TRPM5: variants seen among roughly 807,000 people sequenced by gnomAD.
The protein encoded by TRPM5 is transient receptor potential cation channel subfamily M member 5, also known as MLSN1 and TRP-related.
A neutral mutation model predicts 124.9 loss-of-function variants in TRPM5; 121 were observed. The ratio of observed to expected loss-of-function variants is 0.97; its 90% CI spans 0.84 to 1.13. TRPM5 has a LOEUF of 1.13. Among genes scored for constraint, TRPM5 ranks in the 50% most tolerant of loss-of-function variants. The pLI, the probability that TRPM5 is intolerant of heterozygous loss-of-function variation, is 0.00. For synonymous variants in TRPM5, 781 were observed against 700.5 expected, an observed-to-expected ratio of 1.11 and a Z score of -1.81; for missense variants, 1,643 against 1,589.1, an observed-to-expected ratio of 1.03 and a Z score of -0.58.
Position 2,418,371 on chromosome 11 carries a change from G to A in TRPM5, c.715-13C>T. ...CCCTGGAGATCCTCTGAGACGGGGAGGGAGGGGAGAGCGGACCCCAGATTA... is the reference window on the plus strand; with the variant it reads ...CCCTGGAGATCCTCTGAGACGGGGAAGGAGGGGAGAGCGGACCCCAGATTA... On this transcript the variant is annotated splice_polypyrimidine_tract_variant and intron_variant, in intron 5 of 23. Transcript: ENST00000155858. 6.5e-7 allele frequency: 1 copy of A among 1,543,278 alleles called. No individual in the cohort carries two copies. Among genetic ancestry groups the A allele is most frequent in the South Asian group, 1.2e-5 (1 of 84,354 alleles).
chr11:2,410,852 C>T (rs915236372), intron 18 of TRPM5, among the ~76,000 whole-genome samples: 8 of 152,070 alleles, frequency 5.3e-5, no homozygotes, highest in African/African-American at 1.7e-4. Flanking sequence ...GCCAGCAGGA[C>T]GGCGTAGGGG....
chr11:2,442,058 G>A, the TRPM5 span, among the ~76,000 whole-genome samples: 1 of 152,118 alleles, frequency 6.6e-6, no homozygotes, highest in Non-Finnish European at 1.5e-5. This position sits in a 1 kb window ranked among gnomAD's most constrained non-coding sequence, Gnocchi z 5.9. Flanking sequence ...TCAGAATAAT[G>A]AGCAAAGCAA....
chr11:2,421,126 G>A (rs752096969), exon 3 of TRPM5: 10 of 1,543,350 alleles, frequency 6.5e-6, no homozygotes, highest in Admixed American at 2.0e-5. Flanking sequence ...GCTGGCCAGC[G>A]AGTGGTCGCG....
the TRPM5 span, among the ~76,000 whole-genome samples, chr11:2,440,168 G>A: frequency 2.0e-5 from 3 of 152,170 alleles, no homozygotes; most frequent in Non-Finnish European, 4.4e-5. The surrounding 1 kb of genome is among the most constrained non-coding windows in gnomAD (Gnocchi z 5.2). Flanking sequence ...GACAACAATA[G>A]ACACTGGGGA....
chr11:2,415,517 C>T lies in TRPM5; in HGVS notation c.1129-46G>A, dbSNP rs573491967. ...GAGGGAAGGGGGACAAGAGAGTGAG[C>T]GAGAGACAGGAGGAGGGGGTCCAAG... On this transcript the variant is annotated intron_variant, in intron 8 of 23. Transcript: ENST00000155858. 2.7e-5 allele frequency: 36 copies of T among 1,327,252 alleles called. 1 individual carries two copies. The Admixed American group carries it at 3.2e-4, about 12-fold the overall frequency. 82.2% of individuals were successfully genotyped at this position (1,327,252 alleles called of 1,614,324 possible).
At position 2,418,457 on chromosome 11, in the gene TRPM5, G is replaced by A. The variant is rs979863689; in HGVS notation, c.714+70C>T. On this transcript the variant is annotated intron_variant, in intron 5 of 23. Coordinates refer to ENST00000155858, the Ensembl canonical transcript of TRPM5. ...CCCCATCCCTTCAGCCCTGTCCCAG[G>A]GGTGCCCAGAACCCACCGCACCCCT... 3.2e-6 allele frequency: 5 copies of A among 1,557,778 alleles called. No homozygotes were observed. In the African/African-American group the frequency reaches 6.8e-5, roughly 21 times the overall value.
chr11:2,433,564 G>C, the TRPM5 span, among the ~76,000 whole-genome samples: 1 of 152,334 alleles, frequency 6.6e-6, no homozygotes, highest in East Asian at 1.9e-4. Context: ...AGTGGTCAAG[G>C]CTGCAGTAGG....
exon 1 of TRPM5, chr11:2,422,994 C>T: frequency 6.2e-7 from 1 of 1,613,000 alleles, no homozygotes; most frequent in South Asian, 1.1e-5. Flanking sequence ...CGGTCTTCAG[C>T]ATCCCCGGGG....
intron 4 of TRPM5, 43 bp from the exon 10 acceptor site, chr11:2,418,634 G>T (rs773206556): frequency 1.3e-6 from 2 of 1,578,386 alleles, no homozygotes; most frequent in Non-Finnish European, 1.7e-6. Flanking sequence ...CCTCCGCCTG[G>T]GGTGACCACC....
At chr11:2,414,014 C>CCCCCCCCCCCCCCCCCACCA in intron 12 of TRPM5, 47 bp downstream of exon 17, 1 of 533,206 alleles carries the variant, frequency 1.9e-6, no homozygotes, top group South Asian at 1.6e-5. Context: ...AGCTCGCCCG[C>CCCCCCCCCCCCCCCCCACCA]CCACCCCACC....
chr11:2,417,545 G>A (rs1433485004), intron 7 of TRPM5, among the ~76,000 whole-genome samples, 182 bp downstream of exon 12: 2 of 152,222 alleles, frequency 1.3e-5, no homozygotes, highest in Non-Finnish European at 2.9e-5. Context: ...TTTAAGTTGT[G>A]GTAAAAAACA....
chr11:2,436,398 G>A, the TRPM5 span, among the ~76,000 whole-genome samples: 2 of 152,240 alleles, frequency 1.3e-5, no homozygotes, highest in African/African-American at 4.8e-5. Context: ...AAGGATGTAG[G>A]GACAGGCTGC....
intron 21 of TRPM5, 92 bp downstream of exon 26, chr11:2,406,569 G>A (rs917972481): frequency 2.9e-5 from 43 of 1,488,008 alleles, no homozygotes; most frequent in African/African-American, 1.8e-4. Flanking sequence ...GCTTCAGTTC[G>A]CCAGCTCAGA....
In TRPM5 at chr11:2,422,905, G is replaced by A. The variant is rs758024932; in HGVS notation, c.117+15C>T. On this transcript the variant is annotated intron_variant, in intron 1 of 23. Transcript: ENST00000155858. ...TCAAGGCGGACATCACCTGAGGCCT[G>A]GGGCCTGCCCTTACCTTGCCTCGCT... The A allele has an allele frequency of 3.1e-6, 5 of 1,606,866 alleles. No individual in the cohort carries two copies. Among genetic ancestry groups the A allele is most frequent in the East Asian group, 2.2e-5 (1 of 44,860 alleles).
At chr11:2,435,664 CATCT>C in the TRPM5 span, among the ~76,000 whole-genome samples, 1 of 151,718 alleles carries the variant, frequency 6.6e-6, no homozygotes, top group Non-Finnish European at 1.5e-5. The surrounding 1 kb of genome is among the most constrained non-coding windows in gnomAD (Gnocchi z 4.1). Context: ...TCTGTTCATC[CATCT>C]GTCCATGTGC....
At chr11:2,414,823 C>A in exon 11 of TRPM5, 1 of 1,591,290 alleles carries the variant, frequency 6.3e-7, no homozygotes, top group Non-Finnish European at 8.5e-7. Flanking sequence ...AGTGCGGCTG[C>A]CACACCTTCC....
intron 23 of TRPM5, 67 bp downstream of exon 28, chr11:2,405,460 G>GC: frequency 1.4e-6 from 2 of 1,481,072 alleles, no homozygotes; most frequent in Non-Finnish European, 1.8e-6. Context: ...ACAGCCTACG[G>GC]CCCCCCAGCC....
At chr11:2,414,014 C>CCCCCCCCCCCCCCCCCCA in intron 12 of TRPM5, 47 bp downstream of exon 17, 2 of 533,206 alleles carry the variant, frequency 3.8e-6, no homozygotes, top group Non-Finnish European at 3.5e-6. Context: ...AGCTCGCCCG[C>CCCCCCCCCCCCCCCCCCA]CCACCCCACC....
At position 2,406,772 on chromosome 11, in the gene TRPM5, AG is replaced by A; in HGVS notation, c.3139del (p.Leu1047TrpfsTer17). 6.2e-7 allele frequency: 1 copy of A among 1,613,016 alleles called. No individual in the cohort carries two copies. Among genetic ancestry groups the A allele is most frequent in the Non-Finnish European group, 8.5e-7 (1 of 1,179,706 alleles). On this transcript the variant is annotated frameshift_variant, in exon 21 of 24. Coordinates refer to ENST00000155858, the Ensembl canonical transcript of TRPM5. LOFTEE classifies it high-confidence loss of function. ...CTCCCAGGTGACGACCTTCTGGTCC[AG>A]GGGGTCTGGCAGGTCTCTCTCTGGG...
Sources: allele counts gnomAD v4.1 joint callset (sites outside exome capture counted in the v4.1 genomes callset), GRCh38; gene constraint gnomAD v4.1.1; non-coding constraint Gnocchi (gnomAD v3.1); transcripts MANE v1.5; gene names NCBI Gene and HGNC (gene_info 2026-07-23, HGNC 2026-07-21).